Variants in ATP2C1 observed in about 807,000 individuals in gnomAD.
The protein encoded by ATP2C1 is calcium-transporting ATPase type 2C member 1.
Under a neutral mutation model 120.5 loss-of-function variants are expected in ATP2C1, and 31 were observed. The ratio of observed to expected loss-of-function variants is 0.26; its 90% CI spans 0.19 to 0.35. ATP2C1 has a LOEUF of 0.35. Among genes scored for constraint, ATP2C1 ranks in the 10% least tolerant of loss-of-function variants. The pLI is 1.00. For missense variants in ATP2C1, 731 were observed against 1,107.5 expected (o/e 0.66, Z 4.83); for synonymous variants, 351 against 358.7 (o/e 0.98, Z 0.24).
intron 2 of ATP2C1, among the ~76,000 whole-genome samples, chr3:130,922,270 A>G (rs1373712257): frequency 2.0e-5 from 3 of 152,150 alleles, no homozygotes; most frequent in African/African-American, 7.2e-5. Flanking sequence ...GTAGCCTTGA[A>G]TGATCTTTTC....
Position 130,975,426 on chromosome 3 carries a change from C to G in ATP2C1, c.1508C>G (p.Thr503Ser). The stretch of plus-strand genomic sequence containing the variant: ...AGCAAAGGGCAGACCTTGACACTTA[C>G]TCAGCAGCAGAGAGATGTGTACCAA... ...YQSKGQTLTL[T>S]QQQRDVYQQE... Residue 503 changes from threonine (T) to serine (S), a missense_variant, in exon 18 of 28, where the codon ACT becomes AGT. Transcript: ENST00000510168. The G allele has an allele frequency of 6.2e-7, 1 of 1,613,898 alleles. No individual in the cohort carries two copies.
chr3:130,918,758 G>A (rs909312603), intron 2 of ATP2C1: 30 of 383,908 alleles, frequency 7.8e-5, no homozygotes, highest in African/African-American at 5.9e-4. Context: ...TTGGGAGGCC[G>A]AGGCGGGCGG....
chr3:130,971,016 T>C (rs1220870945), intron 17 of ATP2C1, among the ~76,000 whole-genome samples: 1 of 152,132 alleles, frequency 6.6e-6, no homozygotes, highest in Non-Finnish European at 1.5e-5. Flanking sequence ...ACTATGAAAA[T>C]ACAATACCTT....
rs372712129 is a variant in ATP2C1 at position 130,976,682 on chromosome 3, A to AT, written c.1570+1195dup. 3.6e-3 allele frequency among the ~76,000 whole-genome samples: 554 copies of AT among 152,238 alleles called. 3 individuals are homozygous for AT. Among genetic ancestry groups the AT allele is most frequent in the African/African-American group, 0.013 (521 of 41,542 alleles). On this transcript the variant is annotated intron_variant, in intron 18 of 27. Coordinates refer to ENST00000510168, the MANE Select transcript of ATP2C1 (RefSeq NM_001378687.1). ...CATCCCAAAGGCCTGAATCTGGAAC[A>AT]TGCCCTGGATCCCCCCACCTCAGTC... is the stretch of plus-strand genomic sequence containing the variant.
chr3:130,903,915 A>T (rs182632594), intron 2 of ATP2C1, among the ~76,000 whole-genome samples: 10 of 152,184 alleles, frequency 6.6e-5, no homozygotes, highest in African/African-American at 2.4e-4. Flanking sequence ...TAATTTATAC[A>T]AACAGATGTA....
At chr3:130,988,881 G>T (rs1337910054) in intron 20 of ATP2C1, among the ~76,000 whole-genome samples, 1 of 152,166 alleles carries the variant, frequency 6.6e-6, no homozygotes. Flanking sequence ...ATTGGTCACA[G>T]GCTAATCCTT....
chr3:130,886,800 G>T (rs2181455), intron 1 of ATP2C1, among the ~76,000 whole-genome samples: 73,073 of 152,064 alleles, frequency 0.48, 19,549 homozygotes, highest in Non-Finnish European at 0.61. Flanking sequence ...TGAATTCTCT[G>T]TCTGAAAGGT....
intron 2 of ATP2C1, among the ~76,000 whole-genome samples, chr3:130,927,172 C>T (rs1302816035): frequency 1.3e-5 from 2 of 151,946 alleles, no homozygotes; most frequent in East Asian, 3.8e-4. Flanking sequence ...GGTAAAACAA[C>T]AAACCTACAT....
rs1432116495 is a variant in ATP2C1 at position 131,001,631 on chromosome 3, C to T, written c.*281C>T. ...TTAATTAAAAAGGCAAAACCTGAAC[C>T]ACCTTCTGCACTTAAAGAAGTCTAA... On this transcript the variant is annotated 3_prime_UTR_variant, in exon 28 of 28. Transcript: ENST00000510168. The T allele has an allele frequency of 2.7e-6, 3 of 1,100,350 alleles. No homozygotes were observed. The highest frequency in any genetic ancestry group is 3.3e-6 in the Non-Finnish European group (3 of 899,240). 68.2% of individuals were successfully genotyped at this position (1,100,350 alleles called of 1,614,324 possible). A position where few individuals can be genotyped will look rare whatever the true frequency, so the allele number is the denominator to read the frequency against.
intron 2 of ATP2C1, among the ~76,000 whole-genome samples, chr3:130,910,919 T>A (rs1479454879): frequency 2.9e-5 from 3 of 101,916 alleles, no homozygotes; most frequent in Non-Finnish European, 4.0e-5. Flanking sequence ...CTTTTTTGGT[T>A]GTGTCTCTGC....
At chr3:130,990,883 A>G (rs58647870) in intron 20 of ATP2C1, among the ~76,000 whole-genome samples, 8,939 of 152,216 alleles carry the variant, frequency 0.059, 841 homozygotes, top group African/African-American at 0.2. Flanking sequence ...AACTGCACAT[A>G]TGTACTTTTC....
At position 130,993,917 on chromosome 3, in the gene ATP2C1, T is replaced by C. The variant is rs778097086; in HGVS notation, c.1891-15T>C. On this transcript the variant is annotated splice_polypyrimidine_tract_variant and intron_variant, in intron 21 of 27. Transcript: ENST00000510168. ...CAAAATTCCTTCCTCTCCCCTGTCC[T>C]CTGCTCCACTCTAGTCGCTACAGAA... 1.9e-6 allele frequency: 3 copies of C among 1,613,966 alleles called. No individual in the cohort carries two copies. The highest frequency in any genetic ancestry group is 1.7e-5 in the Admixed American group (1 of 60,006).
At chr3:130,980,775 C>G (rs1302674293) in intron 20 of ATP2C1, 96 bp downstream of exon 20, 2 of 943,840 alleles carry the variant, frequency 2.1e-6, no homozygotes, top group Admixed American at 1.9e-5. Context: ...TTGTGAACAT[C>G]AGGGATTTAA....
downstream of ATP2C1, among the ~76,000 whole-genome samples, chr3:131,006,940 T>G (rs987442073): frequency 2.0e-5 from 3 of 152,166 alleles, no homozygotes; most frequent in Non-Finnish European, 4.4e-5. Flanking sequence ...AGTGCTGGGA[T>G]TATAAGCGTG....
chr3:130,871,053 G>C (rs1292198404), intron 1 of ATP2C1, among the ~76,000 whole-genome samples: 1 of 152,230 alleles, frequency 6.6e-6, no homozygotes, highest in Non-Finnish European at 1.5e-5. Context: ...TGATGGTTCA[G>C]ATGATCATTA....
intron 2 of ATP2C1, among the ~76,000 whole-genome samples, chr3:130,898,556 A>C (rs1425321391): frequency 1.3e-5 from 2 of 152,212 alleles, no homozygotes; most frequent in Non-Finnish European, 2.9e-5. Flanking sequence ...AAAAGAGTTG[A>C]AACTAAAAGA....
rs141384562 is a variant in ATP2C1, at chr3:130,930,423, G to A, written c.14G>A (p.Arg5His). MKVA[R>H]FQKIPNGENE... ...TTTGGTTTTACTTCCTAGGTTGCAC[G>A]TTTTCAAAAAATACCTAATGGTGAA... The change falls in exon 3 of 28, where the codon CGT (arginine) becomes CAT (histidine). Residue 5 changes from arginine (R) to histidine (H), a missense_variant. Coordinates refer to ENST00000510168, the MANE Select transcript of ATP2C1 (RefSeq NM_001378687.1). 2 of 1,607,888 alleles carry A rather than the reference G, an allele frequency of 1.2e-6. No homozygotes were observed. Among genetic ancestry groups the A allele is most frequent in the Non-Finnish European group, 8.5e-7 (1 of 1,174,656 alleles).
intron 13 of ATP2C1, among the ~76,000 whole-genome samples, chr3:130,964,662 G>C (rs73869014): frequency 0.012 from 1,846 of 152,090 alleles, 42 homozygotes; most frequent in African/African-American, 0.041. Context: ...TTCTAGAAAA[G>C]ATGTTATATA....
chr3:130,941,108 G>T (rs574555670), intron 7 of ATP2C1, among the ~76,000 whole-genome samples: 2 of 151,798 alleles, frequency 1.3e-5, no homozygotes, highest in Admixed American at 1.3e-4. Context: ...GTAGAGACAG[G>T]TTTCACCATG....
Sources: allele counts gnomAD v4.1 joint callset (sites outside exome capture counted in the v4.1 genomes callset), GRCh38; gene constraint gnomAD v4.1.1; transcripts MANE v1.5; gene names NCBI Gene and HGNC (gene_info 2026-07-23, HGNC 2026-07-21).